Variants in ABCA13 observed in about 807,000 individuals in gnomAD.
ABCA13 encodes ATP-binding cassette sub-family A member 13.
A neutral mutation model predicts 478.7 loss-of-function variants in ABCA13; 476 were observed. The ratio of observed to expected loss-of-function variants is 0.99; its 90% confidence interval spans 0.92 to 1.07. The LOEUF is 1.07. Ranked by LOEUF, ABCA13 falls within the 50% of genes least tolerant of loss-of-function variation. ABCA13 has a pLI of 0.00. For synonymous variants in ABCA13, 2,252 were observed against 2,158.9 expected, an observed-to-expected ratio of 1.04 and a Z score of -1.20; for missense variants, 6,060 against 5,910.6, an observed-to-expected ratio of 1.03 and a Z score of -0.83.
At chr7:48,173,207 C>T (rs533364053) in intron 1 of ABCA13, among the ~76,000 whole-genome samples, 4 of 152,328 alleles carry the variant, frequency 2.6e-5, no homozygotes, top group South Asian at 2.1e-4. Context: ...ACTCCTGCAT[C>T]CCACTTTTCT....
At chr7:48,635,358 G>A (rs1218482704) in intron 59 of ABCA13, among the ~76,000 whole-genome samples, 4 of 152,138 alleles carry the variant, frequency 2.6e-5, no homozygotes, top group Non-Finnish European at 4.4e-5. Flanking sequence ...GCTAGAAATG[G>A]GAGCAACATC....
At chr7:48,638,281 C>G (rs1309409544) in intron 59 of ABCA13, among the ~76,000 whole-genome samples, 1 of 152,096 alleles carries the variant, frequency 6.6e-6, no homozygotes, top group Non-Finnish European at 1.5e-5. Context: ...TGACGTTGAC[C>G]CAACCACTTT....
At chr7:48,411,038 TCTTTCTTTC>T (rs1479916256) in intron 40 of ABCA13, among the ~76,000 whole-genome samples, 7 of 116,392 alleles carry the variant, frequency 6.0e-5, no homozygotes, top group Admixed American at 2.8e-4. Context: ...TTTCTTTCTT[TCTTTCTTTC>T]TTTTTCTTTC....
chr7:48,184,516 T>A (rs1017127191), intron 1 of ABCA13, among the ~76,000 whole-genome samples: 6 of 152,146 alleles, frequency 3.9e-5, no homozygotes, highest in Non-Finnish European at 7.3e-5. Context: ...CTGAACATTT[T>A]AAAAAAGTTT....
chr7:48,450,906 T>C (rs995217693), intron 42 of ABCA13, among the ~76,000 whole-genome samples: 6 of 152,172 alleles, frequency 3.9e-5, no homozygotes, highest in Non-Finnish European at 5.9e-5. Flanking sequence ...TACATCCTTG[T>C]ATTGTAATTT....
intron 1 of ABCA13, among the ~76,000 whole-genome samples, chr7:48,174,291 G>GTT (rs201212748): frequency 6.6e-6 from 1 of 151,420 alleles, no homozygotes; most frequent in Admixed American, 6.6e-5. Flanking sequence ...TACATTTACT[G>GTT]TTTTTTTTAG....
At chr7:48,591,115 T>C (rs930009731) in intron 57 of ABCA13, among the ~76,000 whole-genome samples, 1 of 152,016 alleles carries the variant, frequency 6.6e-6, no homozygotes, top group Admixed American at 6.5e-5. Context: ...TCTCATCTTA[T>C]GTTTAAATCT....
At chr7:48,551,062 A>C (rs1785276640) in intron 55 of ABCA13, among the ~76,000 whole-genome samples, 1 of 151,744 alleles carries the variant, frequency 6.6e-6, no homozygotes, top group African/African-American at 2.4e-5. Flanking sequence ...TTTTCTTTAA[A>C]TATTGATGTA....
At chr7:48,178,408 CT>C (rs1583978966) in intron 1 of ABCA13, among the ~76,000 whole-genome samples, 1 of 152,150 alleles carries the variant, frequency 6.6e-6, no homozygotes, top group Non-Finnish European at 1.5e-5. Context: ...GGCATGGTGG[CT>C]CACACCTGTA....
In ABCA13 at chr7:48,309,989, G is replaced by C. The variant is rs770825181; in HGVS notation, c.9364G>C (p.Asp3122His). The C allele has an allele frequency of 2.5e-6, 4 of 1,613,880 alleles. No individual in the cohort carries two copies. The East Asian group carries it at 6.7e-5, about 27-fold the overall frequency. The part of the protein sequence containing the change: ...ALTVALSGKC[D>H]QEILHLLLTF... ...CACCGTAGCTCTGTCTGGAAAGTGT[G>C]ATCAGGAAATCCTTCATCTCCTGCT... The change falls in exon 24 of 62, where the codon GAT (aspartate) becomes CAT (histidine). Residue 3122 changes from aspartate (D) to histidine (H), a missense_variant. Physicochemically the swap from Asp to His is moderately conservative, Grantham distance 81. Around this residue, in one of 3 missense-constraint regions of ABCA13, gnomAD observed 4,423 missense variants for 4,309.1 expected, o/e 1.03. Coordinates refer to ENST00000435803, the MANE Select transcript of ABCA13 (RefSeq NM_152701.5).
intron 47 of ABCA13, among the ~76,000 whole-genome samples, chr7:48,484,035 A>G (rs1203921595): frequency 6.6e-5 from 10 of 152,194 alleles, no homozygotes; most frequent in Admixed American, 5.9e-4. Flanking sequence ...AACAATCTCC[A>G]TGAGCCCAGG....
chr7:48,244,531 C>A, intron 10 of ABCA13, 45 bp from the exon 11 acceptor site: 2 of 1,582,284 alleles, frequency 1.3e-6, no homozygotes, highest in Non-Finnish European at 1.7e-6. Flanking sequence ...ATTGGCACTT[C>A]GAACTACTTT....
In ABCA13 at chr7:48,295,709, A is replaced by C. The variant is rs776478047; in HGVS notation, c.8965A>C (p.Lys2989Gln). ...LAQDHFQEIE[K>Q]IWSSPNQLNC... is the part of the protein sequence containing the mutation. The stretch of plus-strand genomic sequence containing the variant: ...TTGCTATGTTTTCTAGGAAATTGAA[A>C]AGATATGGTCCTCGCCGAATCAGCT... Residue 2989 changes from lysine (K) to glutamine (Q), a missense_variant, in exon 21 of 62, where the codon AAG (lysine) becomes CAG (glutamine). Around this residue, in one of 3 missense-constraint regions of ABCA13, gnomAD observed 4,423 missense variants for 4,309.1 expected, o/e 1.03. Coordinates refer to ENST00000435803, the MANE Select transcript of ABCA13 (RefSeq NM_152701.5). 6.2e-7 allele frequency: 1 copy of C among 1,614,038 alleles called. No homozygotes were observed. Among genetic ancestry groups the C allele is most frequent in the Non-Finnish European group, 8.5e-7 (1 of 1,179,892 alleles).
intron 54 of ABCA13, among the ~76,000 whole-genome samples, chr7:48,526,628 C>G (rs952074441): frequency 6.6e-6 from 1 of 152,076 alleles, no homozygotes; most frequent in Non-Finnish European, 1.5e-5. Context: ...TATGGTAAGC[C>G]CATTCCTCCT....
At chr7:48,587,587 TTA>T (rs1281278366) in intron 57 of ABCA13, among the ~76,000 whole-genome samples, 3 of 152,236 alleles carry the variant, frequency 2.0e-5, no homozygotes, top group African/African-American at 7.2e-5. Flanking sequence ...TGAAAACCAA[TTA>T]TGTTTTCCTC....
At chr7:48,217,533 T>A (rs1301840186) in intron 3 of ABCA13, among the ~76,000 whole-genome samples, 1 of 152,126 alleles carries the variant, frequency 6.6e-6, no homozygotes, top group Non-Finnish European at 1.5e-5. Flanking sequence ...TAGGTAATAT[T>A]TTGATCTTAT....
chr7:48,639,944 T>A (rs1206399174), intron 59 of ABCA13, among the ~76,000 whole-genome samples: 2 of 152,202 alleles, frequency 1.3e-5, no homozygotes, highest in African/African-American at 4.8e-5. Context: ...TAAAGTTTTA[T>A]GTGCTCATTA....
rs566189053 is a variant in ABCA13, at chr7:48,424,438, G to A, written c.12460-3328G>A. 3.9e-5 allele frequency among the ~76,000 whole-genome samples: 6 copies of A among 152,242 alleles called. 1 individual carries two copies. The South Asian group carries it at 8.3e-4, about 21-fold the overall frequency. ...AGTTAACATTGTTGATGGGTTCTTG[G>A]AAACTAAGACTTTAAGCAAAACAAC... On this transcript the variant is annotated intron_variant, in intron 41 of 61. Transcript: ENST00000435803.
In ABCA13 at chr7:48,645,998, T is replaced by C. The variant is rs1325939781; in HGVS notation, c.*486T>C. On this transcript the variant is annotated 3_prime_UTR_variant, in exon 62 of 62. Transcript: ENST00000435803. ...TGTTGTCATCTATTTACTAGATACA[T>C]GTTTTTAATGATTTTAATGTAAGCT... The C allele has an allele frequency of 1.9e-5, 3 of 154,312 alleles. No individual in the cohort carries two copies. Among genetic ancestry groups the C allele is most frequent in the Non-Finnish European group, 4.3e-5 (3 of 69,658 alleles). 9.6% of individuals were successfully genotyped at this position (154,312 alleles called of 1,614,324 possible). A position where few individuals can be genotyped will look rare whatever the true frequency, so the allele number is the denominator to read the frequency against.
Sources: allele counts gnomAD v4.1 joint callset (sites outside exome capture counted in the v4.1 genomes callset), GRCh38; gene constraint gnomAD v4.1.1; regional missense constraint gnomAD v4.1.1; transcripts MANE v1.5; gene names NCBI Gene and HGNC (gene_info 2026-07-23, HGNC 2026-07-21).